The following VAMP7 variants were observed in gnomAD, a reference collection of about 807,000 sequenced individuals.
VAMP7 encodes vesicle-associated membrane protein 7.
In VAMP7, 14 loss-of-function variants were observed where a neutral mutation model predicts 29.6. That is an observed-to-expected ratio of 0.47 (90% CI 0.31 to 0.74). The LOEUF (loss-of-function observed/expected upper bound fraction) is 0.74. VAMP7 is among the 30% of genes least tolerant of loss of function. The pLI is 0.05. For missense variants in VAMP7, 223 were observed against 262.4 expected, an observed-to-expected ratio of 0.85 and a Z score of 1.04; for synonymous variants, 95 against 88.1, an observed-to-expected ratio of 1.08 and a Z score of -0.44.
At chrX:155,905,408 A>T (rs1013302869) in intron 5 of VAMP7, among the ~76,000 whole-genome samples, 1 of 152,126 alleles carries the variant, frequency 6.6e-6, no homozygotes, top group African/African-American at 2.4e-5. Flanking sequence ...TTTGAAGCAC[A>T]ACAGTTTTTA....
intron 5 of VAMP7, among the ~76,000 whole-genome samples, chrX:155,901,255 G>T (rs186229031): frequency 6.6e-6 from 1 of 151,920 alleles, no homozygotes; most frequent in African/African-American, 2.4e-5. Flanking sequence ...TGATATGTAC[G>T]TCTTGGCTAT....
chrX:155,895,754 CA>C (rs2065979230), intron 3 of VAMP7, 74 bp downstream of exon 3: 5 of 1,398,470 alleles, frequency 3.6e-6, no homozygotes, highest in African/African-American at 1.4e-5. Flanking sequence ...TTATCTATAC[CA>C]GGGGTCCCCA....
chrX:155,888,447 G>A (rs1001239910), intron 1 of VAMP7, among the ~76,000 whole-genome samples: 2 of 152,184 alleles, frequency 1.3e-5, no homozygotes, highest in Non-Finnish European at 2.9e-5. Flanking sequence ...TCCCACTACA[G>A]TTTGAGAACC....
chrX:155,921,356 T>G (rs2066394006), intron 6 of VAMP7, among the ~76,000 whole-genome samples: 1 of 152,052 alleles, frequency 6.6e-6, no homozygotes, highest in Non-Finnish European at 1.5e-5. Context: ...CAGATCTAGA[T>G]AGAAAACATT....
chrX:155,928,477 A>G (rs1006104112), intron 6 of VAMP7, among the ~76,000 whole-genome samples: 5 of 152,202 alleles, frequency 3.3e-5, no homozygotes, highest in Admixed American at 3.3e-4. Flanking sequence ...TTCCAGCTTC[A>G]GGTGGCTGCC....
At chrX:155,882,949 T>C (rs1414658729) in intron 1 of VAMP7, among the ~76,000 whole-genome samples, 2 of 152,226 alleles carry the variant, frequency 1.3e-5, no homozygotes, top group Non-Finnish European at 2.9e-5. Flanking sequence ...GCATTCCTGT[T>C]CTTCATCCGA....
intron 3 of VAMP7, among the ~76,000 whole-genome samples, chrX:155,895,913 C>G (rs2065981501): frequency 6.6e-6 from 1 of 152,060 alleles, no homozygotes; most frequent in Non-Finnish European, 1.5e-5. Flanking sequence ...AGTGTGAACC[C>G]TGTTGTGAAC....
rs1418463594 is a variant in VAMP7 at position 155,942,105 on chromosome X, T to G, written c.*154T>G. The G allele has an allele frequency of 6.4e-7, 1 of 1,554,056 alleles. No homozygotes were observed. The highest frequency in any genetic ancestry group is 8.7e-7 in the Non-Finnish European group (1 of 1,148,082). ...AAAATCTTGTTCCATGCCTCCAGGT[T>G]TATCTTTGTCTTATCTACCAGTTTA... On this transcript the variant is annotated 3_prime_UTR_variant, in exon 8 of 8. Transcript: ENST00000286448.
At chrX:155,896,952 A>AATATAT (rs1003856589) in intron 3 of VAMP7, among the ~76,000 whole-genome samples, 12 of 150,492 alleles carry the variant, frequency 8.0e-5, no homozygotes, top group African/African-American at 2.9e-4. Context: ...ATTATATTGA[A>AATATAT]ATATATATAT....
At chrX:155,884,636 A>G (rs1402685354) in intron 1 of VAMP7, among the ~76,000 whole-genome samples, 1 of 152,200 alleles carries the variant, frequency 6.6e-6, no homozygotes, top group Non-Finnish European at 1.5e-5. Flanking sequence ...TGATTTATTG[A>G]CACCTATTTC....
At chrX:155,939,087 G>GT (rs5904415) in intron 6 of VAMP7, among the ~76,000 whole-genome samples, 152,230 of 152,236 alleles carry the variant, frequency 1, 76,112 homozygotes, top group Middle Eastern at 1. Flanking sequence ...GCATACATCT[G>GT]TGGGACCATA....
At chrX:155,938,937 A>G (rs898649097) in intron 6 of VAMP7, among the ~76,000 whole-genome samples, 28 of 152,330 alleles carry the variant, frequency 1.8e-4, no homozygotes, top group Middle Eastern at 3.4e-3. Context: ...GTGAATTGTC[A>G]TTACTGTATT....
At chrX:155,912,043 A>C (rs1388798883) in intron 5 of VAMP7, among the ~76,000 whole-genome samples, 1 of 152,100 alleles carries the variant, frequency 6.6e-6, no homozygotes, top group African/African-American at 2.4e-5. Flanking sequence ...TATGTTGAAT[A>C]GGAGTGGTGA....
At chrX:155,881,982 A>G (rs1259064264) in intron 1 of VAMP7, among the ~76,000 whole-genome samples, 3 of 152,208 alleles carry the variant, frequency 2.0e-5, no homozygotes, top group Admixed American at 6.5e-5. Context: ...TGTTTTTATT[A>G]ATGGCCAATG....
intron 2 of VAMP7, among the ~76,000 whole-genome samples, chrX:155,895,291 G>T (rs954569066): frequency 2.2e-4 from 34 of 152,170 alleles, no homozygotes; most frequent in African/African-American, 8.2e-4. Flanking sequence ...CCTATTGGGG[G>T]TTAATCTTAA....
intron 3 of VAMP7, 109 bp downstream of exon 3, chrX:155,895,789 A>C: frequency 2.4e-6 from 2 of 822,712 alleles, no homozygotes; most frequent in Non-Finnish European, 3.9e-6. Context: ...AGACCGGTAC[A>C]GGTCTGTGGC....
chrX:155,935,873 GT>G (rs2066645455), intron 6 of VAMP7, among the ~76,000 whole-genome samples: 1 of 152,076 alleles, frequency 6.6e-6, no homozygotes, highest in African/African-American at 2.4e-5. Flanking sequence ...TACAGATGGG[GT>G]TTTTGTGTGG....
At chrX:155,887,994 T>C (rs2065885622) in intron 1 of VAMP7, among the ~76,000 whole-genome samples, 2 of 151,086 alleles carry the variant, frequency 1.3e-5, no homozygotes, top group South Asian at 4.2e-4. Flanking sequence ...TAGGGAGGCT[T>C]TAGGATCAAG....
intron 3 of VAMP7, among the ~76,000 whole-genome samples, chrX:155,897,570 C>G (rs2066003357): frequency 1.3e-5 from 2 of 152,140 alleles, no homozygotes; most frequent in South Asian, 4.2e-4. Context: ...TACACACATT[C>G]ATTTTTTTCC....
Sources: gnomAD v4.1 joint callset for allele counts (sites outside exome capture counted in the v4.1 genomes callset) on GRCh38, gnomAD v4.1.1 for gene constraint, MANE v1.5 for transcripts, NCBI Gene and HGNC (gene_info 2026-07-23, HGNC 2026-07-21) for gene names.